The following MICAL2 variants were observed in gnomAD, a reference collection of about 807,000 sequenced individuals.
MICAL2 encodes the protein microtubule associated monooxygenase, calponin and LIM domain containing 2, also known as [F-actin]-monooxygenase MICAL2.
MICAL2 carries 77 observed loss-of-function variants against 127.3 expected under a neutral mutation model. The observed-to-expected ratio is 0.60, with a 90% CI of 0.50 to 0.73. The LOEUF (loss-of-function observed/expected upper bound fraction) is 0.73, where lower values mean the gene tolerates loss of function less well. MICAL2 is among the 30% of genes least tolerant of loss of function. The pLI, the probability that MICAL2 is intolerant of heterozygous loss-of-function variation, is 0.00. For missense variants in MICAL2, 1,351 were observed against 1,434.4 expected (o/e 0.94, Z 0.94); for synonymous variants, 570 against 551.1 (o/e 1.03, Z -0.48).
At chr11:12,259,923 G>A (rs774824927) in intron 26 of MICAL2, 26 bp downstream of exon 26, 1 of 1,610,894 alleles carries the variant, frequency 6.2e-7, no homozygotes, top group East Asian at 2.2e-5. Context: ...TCTTTAGGAA[G>A]GTGCTGGGCT....
At chr11:12,333,900 AG>A (rs1270754099) in intron 32 of MICAL2, among the ~76,000 whole-genome samples, 2 of 152,202 alleles carry the variant, frequency 1.3e-5, no homozygotes, top group African/African-American at 4.8e-5. Flanking sequence ...ATATATGAAA[AG>A]TTGATATAAG....
At chr11:12,144,276 A>C (rs960328446) in intron 2 of MICAL2, among the ~76,000 whole-genome samples, 1 of 152,198 alleles carries the variant, frequency 6.6e-6, no homozygotes, top group African/African-American at 2.4e-5. Context: ...AATACCAAGG[A>C]AAGAGTCCAA....
At chr11:12,246,397 C>T (rs1229730101) in intron 21 of MICAL2, among the ~76,000 whole-genome samples, 1 of 152,218 alleles carries the variant, frequency 6.6e-6, no homozygotes, top group African/African-American at 2.4e-5. Flanking sequence ...GGCATGGCTG[C>T]TGGCCATTTG....
intron 1 of MICAL2, among the ~76,000 whole-genome samples, chr11:12,113,896 G>A (rs1849793844): frequency 6.6e-6 from 1 of 152,138 alleles, no homozygotes; most frequent in Non-Finnish European, 1.5e-5. Context: ...TTATGAACAT[G>A]TCTTCTCACC....
chr11:12,279,054 G>A (rs1186242199), intron 1 of MICAL2, among the ~76,000 whole-genome samples: 1 of 152,144 alleles, frequency 6.6e-6, no homozygotes, highest in African/African-American at 2.4e-5. Flanking sequence ...AGAAGAGCTG[G>A]GCTCAGAAGA....
At chr11:12,180,921 C>CTTTTTTTTTTTTTTTTTTTTTTTT in intron 3 of MICAL2, among the ~76,000 whole-genome samples, 1 of 82,474 alleles carries the variant, frequency 1.2e-5, no homozygotes, top group Non-Finnish European at 2.5e-5. Context: ...TATTTTCCTT[C>CTTTTTTTTTTTTTTTTTTTTTTTT]TTTTTTTTTT....
intron 10 of MICAL2, among the ~76,000 whole-genome samples, chr11:12,222,338 C>T (rs1488523913): frequency 1.3e-5 from 2 of 152,186 alleles, no homozygotes; most frequent in East Asian, 3.9e-4. Flanking sequence ...TATGGCAAAA[C>T]CACAGGCCAC....
In MICAL2 at chr11:12,129,599, A is replaced by AC. The variant is rs1209815900; in HGVS notation, c.-148-8789dup. On this transcript the variant is annotated intron_variant, in intron 1 of 27. Transcript: ENST00000683283. ...GAGGAGGTCATGTGGTGACCAGCCG[A>AC]CCTTTATACAATTCTACTCTGTTTC... is the stretch of plus-strand genomic sequence containing the variant. 8.0e-5 allele frequency among the ~76,000 whole-genome samples: 11 copies of AC among 137,724 alleles called. No individual in the cohort carries two copies. The East Asian group carries it at 2.1e-3, about 26-fold the overall frequency. 90.4% of individuals were successfully genotyped at this position (137,724 alleles called of 152,430 possible).
chr11:12,276,300 C>A (rs1174912834), intron 1 of MICAL2: 4 of 397,178 alleles, frequency 1.0e-5, no homozygotes, highest in South Asian at 1.4e-4. Context: ...TGTAAAATGG[C>A]GACAATCATA....
chr11:12,235,737 C>T (rs1306633358), intron 15 of MICAL2, among the ~76,000 whole-genome samples: 1 of 152,054 alleles, frequency 6.6e-6, no homozygotes, highest in African/African-American at 2.4e-5. Flanking sequence ...GCAGAGAGAC[C>T]CCAGCTGGTC....
rs1033297130 is a variant in MICAL2 at position 12,225,244 on chromosome 11, C to T, written c.1688+424C>T. On this transcript the variant is annotated intron_variant, in intron 13 of 27. Transcript: ENST00000683283. ...CATAAGCTGTGTGTCCTTGGGCAAG[C>T]CACTTACCTTCTCTGAGCTTTAGAT... Among the ~76,000 whole-genome samples the T allele has an allele frequency of 1.8e-4, 28 of 152,308 alleles. 1 individual carries two copies. Among genetic ancestry groups the T allele is most frequent in the African/African-American group, 6.7e-4 (28 of 41,560 alleles).
rs188087564 is a variant in MICAL2, at chr11:12,255,213, C to T, written c.2848-430C>T. ...GATTACAGGCGTGAGCCACCACACCCGGCCAGCCTTAACCATTTTTTAAGG... is the reference window on the plus strand; with the variant it reads ...GATTACAGGCGTGAGCCACCACACCTGGCCAGCCTTAACCATTTTTTAAGG... On this transcript the variant is annotated intron_variant, in intron 22 of 27. Coordinates refer to ENST00000683283, the MANE Select transcript of MICAL2 (RefSeq NM_001282663.2). The T allele has an allele frequency of 2.2e-3, 371 of 169,786 alleles. 1 individual carries two copies. The highest frequency in any genetic ancestry group is 8.4e-3 in the African/African-American group (356 of 42,352). The allele number at this position is 169,786 out of a possible 1,614,324, so 10.5% of individuals were successfully genotyped here. A position where few individuals can be genotyped will look rare whatever the true frequency, so the allele number is the denominator to read the frequency against.
intron 12 of MICAL2, among the ~76,000 whole-genome samples, chr11:12,223,754 T>G (rs1565194958): frequency 6.6e-6 from 1 of 152,216 alleles, no homozygotes; most frequent in Non-Finnish European, 1.5e-5. Flanking sequence ...ACAGTAAACA[T>G]GAACCAGGGG....
At chr11:12,305,961 G>A (rs1296422668) in intron 29 of MICAL2, among the ~76,000 whole-genome samples, 1 of 152,062 alleles carries the variant, frequency 6.6e-6, no homozygotes, top group Non-Finnish European at 1.5e-5. Flanking sequence ...ACACCTTATA[G>A]CCCTCTATTT....
intron 1 of MICAL2, among the ~76,000 whole-genome samples, chr11:12,118,676 A>G (rs1850249738): frequency 6.6e-6 from 1 of 152,220 alleles, no homozygotes; most frequent in South Asian, 2.1e-4. Flanking sequence ...CAAAAACAAA[A>G]AGCACTAAGA....
At position 12,221,776 on chromosome 11, in the gene MICAL2, G is replaced by C. The variant is rs1856843785; in HGVS notation, c.1322+17G>C. ...GGCTGAAAGGTGAGCTTTGACAGTA[G>C]GGCTCCTAACTGGGGGGCAGGGCAC... is the stretch of plus-strand genomic sequence containing the variant. On this transcript the variant is annotated intron_variant, in intron 10 of 27. Transcript: ENST00000683283. 6.2e-7 allele frequency: 1 copy of C among 1,605,168 alleles called. No homozygotes were observed. Among genetic ancestry groups the C allele is most frequent in the African/African-American group, 1.3e-5 (1 of 74,812 alleles).
At chr11:12,171,364 G>A (rs546238916) in intron 3 of MICAL2, among the ~76,000 whole-genome samples, 1 of 152,282 alleles carries the variant, frequency 6.6e-6, no homozygotes, top group South Asian at 2.1e-4. Context: ...GCAGTTTAAC[G>A]CTCTCCTTCC....
chr11:12,111,692 C>A (rs921734115), intron 1 of MICAL2, among the ~76,000 whole-genome samples: 1 of 152,216 alleles, frequency 6.6e-6, no homozygotes, highest in Admixed American at 6.5e-5. Flanking sequence ...CTGTGATTGT[C>A]GCCTGTTAAC....
At chr11:12,263,044 C>G (rs1863346166) in intron 27 of MICAL2, 1 of 156,424 alleles carries the variant, frequency 6.4e-6, no homozygotes, top group Admixed American at 6.1e-5. Flanking sequence ...CTTAATTACT[C>G]TCAGGCCTCA....
Sources: allele counts gnomAD v4.1 joint callset (sites outside exome capture counted in the v4.1 genomes callset), GRCh38; gene constraint gnomAD v4.1.1; transcripts MANE v1.5; gene names NCBI Gene and HGNC (gene_info 2026-07-23, HGNC 2026-07-21).